ZNF710: variants seen among roughly 807,000 people sequenced by gnomAD.
The protein encoded by ZNF710 is zinc finger protein 710.
A neutral mutation model predicts 50.6 loss-of-function variants in ZNF710; 13 were observed. That is an observed-to-expected ratio of 0.26 (90% CI 0.17 to 0.41). The LOEUF (loss-of-function observed/expected upper bound fraction) is 0.41, where lower values mean the gene tolerates loss of function less well. Among genes scored for constraint, ZNF710 ranks in the 10% least tolerant of loss-of-function variants. The pLI is 1.00. For missense variants in ZNF710, 721 were observed against 936.6 expected, an observed-to-expected ratio of 0.77 and a Z score of 3.01; for synonymous variants, 383 against 397.0, an observed-to-expected ratio of 0.96 and a Z score of 0.42.
intron 1 of ZNF710, chr15:90,002,424 G>T (rs1898037125): frequency 6.6e-6 from 1 of 152,196 alleles, no homozygotes; most frequent in African/African-American, 2.4e-5. Context: ...GGCCCGTCTT[G>T]AGCCTCCCGC....
intron 1 of ZNF710, among the ~76,000 whole-genome samples, chr15:90,037,971 C>A (rs1187025941): frequency 6.6e-6 from 1 of 152,210 alleles, no homozygotes; most frequent in African/African-American, 2.4e-5. Flanking sequence ...GTCTACTCCC[C>A]TTTAACCACA....
At chr15:90,006,871 A>G (rs1286409055) in intron 1 of ZNF710, 2 of 154,828 alleles carry the variant, frequency 1.3e-5, no homozygotes, top group Non-Finnish European at 2.9e-5. Flanking sequence ...ACTCAAAAGT[A>G]CTGAAATGAC....
intron 1 of ZNF710, among the ~76,000 whole-genome samples, chr15:90,032,455 A>T (rs1423759113): frequency 1.3e-5 from 2 of 152,164 alleles, no homozygotes; most frequent in Non-Finnish European, 1.5e-5. Flanking sequence ...TTGGAAAATT[A>T]AATGGCCCCC....
At chr15:90,047,333 A>G (rs1359012092) in intron 1 of ZNF710, among the ~76,000 whole-genome samples, 1 of 152,310 alleles carries the variant, frequency 6.6e-6, no homozygotes, top group African/African-American at 2.4e-5. Flanking sequence ...AGCACTTTAC[A>G]TATTTTAACT....
chr15:90,000,659 G>A (rs1337564689), upstream of ZNF710, among the ~76,000 whole-genome samples: 1 of 152,234 alleles, frequency 6.6e-6, no homozygotes, highest in Non-Finnish European at 1.5e-5. Flanking sequence ...GCTCTGCGGG[G>A]ATGTTTGTTC....
At chr15:90,033,573 G>C (rs553473740) in intron 1 of ZNF710, among the ~76,000 whole-genome samples, 3 of 152,138 alleles carry the variant, frequency 2.0e-5, no homozygotes, top group African/African-American at 7.2e-5. Context: ...TTAGAGACAG[G>C]TTCTCACTCT....
intron 1 of ZNF710, among the ~76,000 whole-genome samples, chr15:90,047,944 C>T (rs1567233161): frequency 6.6e-6 from 1 of 152,170 alleles, no homozygotes; most frequent in African/African-American, 2.4e-5. Context: ...GAGGGTCGTG[C>T]TGTGAGGAGC....
intron 1 of ZNF710, among the ~76,000 whole-genome samples, chr15:90,043,292 G>A (rs1899357353): frequency 6.6e-6 from 1 of 152,254 alleles, no homozygotes; most frequent in South Asian, 2.1e-4. Context: ...AGACCTGCGG[G>A]CACCCAGGGG....
rs575010701 is a variant in ZNF710 at position 90,034,090 on chromosome 15, C to T, written c.-29+32476C>T. Among the ~76,000 whole-genome samples the T allele has an allele frequency of 7.2e-5, 11 of 151,822 alleles. No homozygotes were observed. Among genetic ancestry groups the T allele is most frequent in the Admixed American group, 2.0e-4 (3 of 15,238 alleles). On this transcript the variant is annotated intron_variant, in intron 1 of 4. Transcript: ENST00000268154. This position sits in a 1 kb window ranked among gnomAD's most constrained non-coding sequence, Gnocchi z 4.0. ...GGTAGCAGCTGTAGTCCCAGCTACT[C>T]GGGAGGCTGAGGTGGGAGAATCGCT...
chr15:90,077,815 T>C (rs1036288117), intron 4 of ZNF710, among the ~76,000 whole-genome samples: 4 of 151,328 alleles, frequency 2.6e-5, no homozygotes, highest in Non-Finnish European at 5.9e-5. Flanking sequence ...ACTCGGGAGG[T>C]TGAGTTGGGA....
At chr15:90,006,299 A>G (rs1898140047) in intron 1 of ZNF710, among the ~76,000 whole-genome samples, 1 of 152,164 alleles carries the variant, frequency 6.6e-6, no homozygotes. Context: ...TATATTTGAA[A>G]CTAGTGGGAA....
intron 1 of ZNF710, among the ~76,000 whole-genome samples, chr15:90,010,502 C>T (rs971935259): frequency 5.3e-5 from 8 of 151,992 alleles, no homozygotes; most frequent in African/African-American, 1.9e-4. Context: ...TTCCATGTTG[C>T]CCAGGCTGGT....
chr15:90,068,654 G>A lies in ZNF710; in HGVS notation c.1458+59G>A. On this transcript the variant is annotated intron_variant, in intron 2 of 4. Transcript: ENST00000268154. This position sits in a 1 kb window ranked among gnomAD's most constrained non-coding sequence, Gnocchi z 5.0. Reference sequence around the variant, plus strand: ...GCCCCTCCTGCCACTTTTTCATCCAGTACTTTCCAAAGTCCCAGATGGGAC... The same window carrying A: ...GCCCCTCCTGCCACTTTTTCATCCAATACTTTCCAAAGTCCCAGATGGGAC... The A allele has an allele frequency of 6.5e-7, 1 of 1,527,464 alleles. No homozygotes were observed. The highest frequency in any genetic ancestry group is 8.8e-7 in the Non-Finnish European group (1 of 1,139,800). The allele number at this position is 1,527,464 out of a possible 1,614,324, so 94.6% of individuals were successfully genotyped here. A position where few individuals can be genotyped will look rare whatever the true frequency, so the allele number is the denominator to read the frequency against.
Position 90,034,560 on chromosome 15 carries a change from T to G in ZNF710, c.-28-32550T>G, listed in dbSNP as rs1434756496. ...AACCATCGGTTTCCTGCTGATTAAC[T>G]CAGTTCCTGGAGGGCCCTCCCTAGC... On this transcript the variant is annotated intron_variant, in intron 1 of 4. Coordinates refer to ENST00000268154, the MANE Select transcript of ZNF710 (RefSeq NM_198526.4). This position sits in a 1 kb window ranked among gnomAD's most constrained non-coding sequence, Gnocchi z 4.0. 6.6e-6 allele frequency among the ~76,000 whole-genome samples: 1 copy of G among 151,706 alleles called. No homozygotes were observed. Among genetic ancestry groups the G allele is most frequent in the Non-Finnish European group, 1.5e-5 (1 of 67,940 alleles).
At chr15:90,003,248 C>G (rs1369044661) in intron 1 of ZNF710, among the ~76,000 whole-genome samples, 2 of 152,170 alleles carry the variant, frequency 1.3e-5, no homozygotes, top group East Asian at 3.8e-4. Context: ...AGCTGCAGGC[C>G]GAGTGCCCAC....
At position 90,070,087 on chromosome 15, in the gene ZNF710, A is replaced by G. The variant is rs140177442; in HGVS notation, c.1458+1492A>G. Among the ~76,000 whole-genome samples, 6 of 152,324 alleles carry G rather than the reference A, an allele frequency of 3.9e-5. No individual in the cohort carries two copies. In the East Asian group the frequency reaches 5.8e-4, roughly 15 times the overall value. On this transcript the variant is annotated intron_variant, in intron 2 of 4. Coordinates refer to ENST00000268154, the MANE Select transcript of ZNF710 (RefSeq NM_198526.4). ...GACCCTGTCTCTCACGGTAGACACT[A>G]TAGGGAGTTGGGGAGCTGTTAATAC...
intron 4 of ZNF710, chr15:90,075,635 G>T (rs2939847): frequency 0.39 from 59,847 of 152,134 alleles, 12,239 homozygotes; most frequent in East Asian, 0.66. Flanking sequence ...TGGAATGCAG[G>T]CAGGCACGCG....
At chr15:90,051,954 G>A (rs1304125329) in intron 1 of ZNF710, among the ~76,000 whole-genome samples, 1 of 152,102 alleles carries the variant, frequency 6.6e-6, no homozygotes, top group Non-Finnish European at 1.5e-5. Flanking sequence ...AGCTGGGGGT[G>A]GAGGACAGGT....
intron 1 of ZNF710, among the ~76,000 whole-genome samples, chr15:90,033,798 G>A (rs987367717): frequency 2.0e-5 from 3 of 152,216 alleles, no homozygotes; most frequent in South Asian, 2.1e-4. Flanking sequence ...GAGCAAGGTG[G>A]TTTAAGAGAT....
Sources: gnomAD v4.1 joint callset for allele counts (sites outside exome capture counted in the v4.1 genomes callset) on GRCh38, gnomAD v4.1.1 for gene constraint, Gnocchi (gnomAD v3.1) non-coding constraint, MANE v1.5 for transcripts, NCBI Gene and HGNC (gene_info 2026-07-23, HGNC 2026-07-21) for gene names.